RARS1: variants seen among roughly 807,000 people sequenced by gnomAD.
The protein encoded by RARS1 is arginine--tRNA ligase, cytoplasmic.
In RARS1, 75 loss-of-function variants were observed where a neutral mutation model predicts 78.7. The observed-to-expected ratio is 0.95, with a 90% confidence interval of 0.79 to 1.15. The LOEUF (loss-of-function observed/expected upper bound fraction) is 1.15. Ranked by LOEUF, RARS1 falls within the 50% of genes most tolerant of loss-of-function variation. The pLI is 0.00. For synonymous variants in RARS1, 273 were observed against 268.2 expected, an observed-to-expected ratio of 1.02 and a Z score of -0.18; for missense variants, 787 against 787.5, an observed-to-expected ratio of 1.00 and a Z score of 0.01.
chr5:168,503,147 T>A (rs894919968), intron 9 of RARS1, among the ~76,000 whole-genome samples: 21 of 152,238 alleles, frequency 1.4e-4, no homozygotes, highest in Non-Finnish European at 2.6e-4. Context: ...TTTGTCATAT[T>A]AAGATTGATT....
At chr5:168,486,581 G>C (rs1757968533) in intron 1 of RARS1, 38 bp downstream of exon 1, 1 of 1,549,894 alleles carries the variant, frequency 6.5e-7, no homozygotes, top group African/African-American at 1.4e-5. Context: ...GCCTGAAAGA[G>C]ATGGAGCAGG....
chr5:168,491,318 C>T (rs1435305092), intron 2 of RARS1, among the ~76,000 whole-genome samples: 1 of 152,186 alleles, frequency 6.6e-6, no homozygotes, highest in Non-Finnish European at 1.5e-5. Flanking sequence ...TGTCATGCCA[C>T]TGCACTTTAG....
chr5:168,487,225 G>A (rs1481300899), intron 1 of RARS1, among the ~76,000 whole-genome samples: 2 of 93,496 alleles, frequency 2.1e-5, no homozygotes, highest in East Asian at 5.2e-4. Context: ...TTAACCGGCT[G>A]TGTTGGGGGG....
intron 11 of RARS1, among the ~76,000 whole-genome samples, chr5:168,509,743 G>C (rs1229375616): frequency 1.3e-5 from 2 of 151,638 alleles, no homozygotes; most frequent in Non-Finnish European, 2.9e-5. Context: ...GCTGAGGTGG[G>C]AGGATCACTT....
chr5:168,510,461 C>G, intron 11 of RARS1, 120 bp from the exon 12 acceptor site: 1 of 735,300 alleles, frequency 1.4e-6, no homozygotes, highest in South Asian at 1.7e-5. Context: ...CAATATGTAC[C>G]TTAGAGATTT....
chr5:168,488,610 G>A lies in RARS1; in HGVS notation c.54G>A (p.Glu18=). The change falls in exon 2 of 15, where the codon GAG becomes GAA. Residue 18 remains glutamate, a synonymous_variant. Coordinates refer to ENST00000231572, the MANE Select transcript of RARS1 (RefSeq NM_002887.4). Reference sequence around the variant, plus strand: ...TGCTTTTTTTCCCACAGGAAGAAGAGATTAAATCTCTGACTGCTGAAATTG... The same window carrying A: ...TGCTTTTTTTCCCACAGGAAGAAGAAATTAAATCTCTGACTGCTGAAATTG... ...CSARLLQQEE[E]IKSLTAEIDR... is the part of the protein sequence containing the mutation. 1.2e-6 allele frequency: 2 copies of A among 1,604,972 alleles called. No homozygotes were observed. Among genetic ancestry groups the A allele is most frequent in the Non-Finnish European group, 1.7e-6 (2 of 1,177,952 alleles).
chr5:168,487,128 C>T (rs1225829827), intron 1 of RARS1, among the ~76,000 whole-genome samples: 1 of 151,970 alleles, frequency 6.6e-6, no homozygotes, highest in African/African-American at 2.4e-5. Context: ...TTTGGGAGGC[C>T]GAGGTGGGCG....
chr5:168,489,265 C>T (rs181724927), intron 2 of RARS1, among the ~76,000 whole-genome samples: 15 of 152,226 alleles, frequency 9.9e-5, no homozygotes, highest in Admixed American at 9.2e-4. Context: ...AGCAACCCTC[C>T]CTGTCTTGGC....
chr5:168,506,895 G>A (rs1758460193), intron 11 of RARS1, 64 bp downstream of exon 11: 3 of 1,276,434 alleles, frequency 2.4e-6, no homozygotes, highest in Non-Finnish European at 3.4e-6. Flanking sequence ...CTTTTCATTT[G>A]ATACCATATT....
chr5:168,509,865 G>T (rs1758532225), intron 11 of RARS1, among the ~76,000 whole-genome samples: 1 of 152,042 alleles, frequency 6.6e-6, no homozygotes, highest in Admixed American at 6.6e-5. Context: ...TAGCTACTTG[G>T]GAGGGTAAGG....
chr5:168,514,721 G>A (rs966153609), intron 12 of RARS1, among the ~76,000 whole-genome samples: 2 of 152,104 alleles, frequency 1.3e-5, no homozygotes, highest in African/African-American at 4.8e-5. Context: ...CCTTATTCTG[G>A]TTGTACAGTT....
At chr5:168,505,106 A>G (rs780936192) in intron 9 of RARS1, among the ~76,000 whole-genome samples, 2 of 152,334 alleles carry the variant, frequency 1.3e-5, no homozygotes, top group Non-Finnish European at 2.9e-5. Context: ...CTGAGATTCA[A>G]ACCTAGCCAG....
At chr5:168,491,588 A>C (rs1758085460) in intron 2 of RARS1, among the ~76,000 whole-genome samples, 1 of 152,180 alleles carries the variant, frequency 6.6e-6, no homozygotes, top group South Asian at 2.1e-4. Flanking sequence ...TAAAACTTGG[A>C]CTGTCCATTC....
At chr5:168,488,831 G>C in intron 2 of RARS1, 95 bp downstream of exon 2, 2 of 1,380,414 alleles carry the variant, frequency 1.4e-6, no homozygotes, top group Non-Finnish European at 2.0e-6. Flanking sequence ...TATATCCTAT[G>C]GAATTTGGAA....
intron 11 of RARS1, among the ~76,000 whole-genome samples, chr5:168,508,824 G>A (rs1758504734): frequency 6.6e-6 from 1 of 151,952 alleles, no homozygotes; most frequent in Non-Finnish European, 1.5e-5. Context: ...CATGGTGTTG[G>A]TTGGATGCTC....
chr5:168,491,946 C>CTTTTTTTTTTT (rs149780336), intron 2 of RARS1, among the ~76,000 whole-genome samples: 1 of 102,612 alleles, frequency 9.7e-6, no homozygotes, highest in African/African-American at 3.8e-5. Context: ...TGTCATTCAC[C>CTTTTTTTTTTT]TTTTTTTTTT....
intron 1 of RARS1, 56 bp from the exon 2 acceptor site, chr5:168,488,546 G>C (rs1758015831): frequency 6.5e-7 from 1 of 1,544,300 alleles, no homozygotes; most frequent in African/African-American, 1.4e-5. Flanking sequence ...CCTTGGTAGA[G>C]AGGGGAAATG....
intron 7 of RARS1, 49 bp from the exon 8 acceptor site, chr5:168,500,542 G>A: frequency 7.2e-7 from 1 of 1,386,802 alleles, no homozygotes; most frequent in Non-Finnish European, 9.4e-7. Context: ...AGAAATACAG[G>A]ATTAGATCTT....
intron 8 of RARS1, 90 bp downstream of exon 8, chr5:168,500,810 T>A: frequency 6.9e-7 from 1 of 1,449,980 alleles, no homozygotes; most frequent in Non-Finnish European, 9.3e-7. Context: ...TGAGTGATAT[T>A]TTAACCTTCT....
Sources: allele counts gnomAD v4.1 joint callset (sites outside exome capture counted in the v4.1 genomes callset), GRCh38; gene constraint gnomAD v4.1.1; transcripts MANE v1.5; gene names NCBI Gene and HGNC (gene_info 2026-07-23, HGNC 2026-07-21).